The following TSHR variants were observed in gnomAD, a reference collection of about 807,000 sequenced individuals.
TSHR encodes thyroid stimulating hormone receptor.
TSHR carries 51 observed loss-of-function variants against 64.1 expected under a neutral mutation model. The observed-to-expected ratio is 0.80, with a 90% CI of 0.64 to 1.01. TSHR has a LOEUF of 1.01. TSHR is among the 50% of genes least tolerant of loss of function. The pLI is 0.00. For missense variants in TSHR, 877 were observed against 942.8 expected (o/e 0.93, Z 0.91); for synonymous variants, 361 against 361.9 (o/e 1.00, Z 0.03).
At chr14:81,062,558 A>G (rs932206935) in intron 2 of TSHR, among the ~76,000 whole-genome samples, 1 of 152,196 alleles carries the variant, frequency 6.6e-6, no homozygotes, top group African/African-American at 2.4e-5. Context: ...GTAAACATAT[A>G]TACAGATAGA....
intron 1 of TSHR, among the ~76,000 whole-genome samples, chr14:81,033,865 CAAAG>C (rs1328592298): frequency 2.0e-5 from 3 of 152,100 alleles, no homozygotes; most frequent in Admixed American, 6.6e-5. Flanking sequence ...CTAGGGTAGA[CAAAG>C]GAAGGAATTC....
At chr14:81,108,691 A>C (rs1410632559) in intron 8 of TSHR, 6 of 1,613,786 alleles carry the variant, frequency 3.7e-6, no homozygotes, top group Non-Finnish European at 5.1e-6. Context: ...ATGCCTGCTA[A>C]GGCAGCCACC....
At chr14:81,110,947 GA>G (rs1304563215) in intron 8 of TSHR, among the ~76,000 whole-genome samples, 4 of 152,204 alleles carry the variant, frequency 2.6e-5, no homozygotes, top group African/African-American at 9.6e-5. Flanking sequence ...TTGCTTTTAT[GA>G]AACTTTAAAA....
intron 1 of TSHR, among the ~76,000 whole-genome samples, chr14:80,969,437 G>A (rs1887486137): frequency 6.6e-6 from 1 of 152,170 alleles, no homozygotes; most frequent in South Asian, 2.1e-4. Context: ...GTAATCATGA[G>A]GTTTTAAATG....
intron 1 of TSHR, among the ~76,000 whole-genome samples, chr14:81,033,930 T>C (rs1206539872): frequency 6.6e-6 from 1 of 152,218 alleles, no homozygotes; most frequent in African/African-American, 2.4e-5. Context: ...TCTCCAGTTA[T>C]GCAAAATAAA....
chr14:81,004,258 C>T (rs985213354), intron 1 of TSHR, among the ~76,000 whole-genome samples: 2 of 152,170 alleles, frequency 1.3e-5, no homozygotes, highest in African/African-American at 4.8e-5. Flanking sequence ...TACCAAAACC[C>T]TTAAAGGCAG....
At chr14:81,065,940 A>T (rs1886578224) in intron 2 of TSHR, among the ~76,000 whole-genome samples, 1 of 152,222 alleles carries the variant, frequency 6.6e-6, no homozygotes, top group Non-Finnish European at 1.5e-5. Flanking sequence ...AAACTATCCC[A>T]GTTTGAATGA....
chr14:80,987,539 C>T (rs529281991), intron 1 of TSHR, among the ~76,000 whole-genome samples: 1 of 152,248 alleles, frequency 6.6e-6, no homozygotes, highest in East Asian at 1.9e-4. Context: ...TTATTGCATC[C>T]CATGCTTTTA....
chr14:81,100,053 C>G (rs1245065986), intron 7 of TSHR, among the ~76,000 whole-genome samples: 2 of 152,154 alleles, frequency 1.3e-5, no homozygotes, highest in Non-Finnish European at 2.9e-5. Flanking sequence ...TGAGCTTCTC[C>G]TCAGCCTTTG....
Position 81,143,400 on chromosome 14 carries a change from G to T in TSHR, c.1342G>T (p.Val448Phe). Residue 448 changes from valine to phenylalanine, a missense_variant, in exon 10 of 10, where the codon GTC becomes TTC. Coordinates refer to ENST00000298171, the MANE Select transcript of TSHR (RefSeq NM_000369.5). ...CCTCACCAGCCACTACAAACTGAAC[G>T]TCCCCCGCTTTCTCATGTGCAACCT... ...ILLTSHYKLN[V>F]PRFLMCNLAF... 1.2e-6 allele frequency: 2 copies of T among 1,614,088 alleles called. No individual in the cohort carries two copies. Among genetic ancestry groups the T allele is most frequent in the Non-Finnish European group, 1.7e-6 (2 of 1,180,020 alleles).
intron 3 of TSHR, among the ~76,000 whole-genome samples, chr14:81,084,069 G>T (rs2139955469): frequency 6.6e-6 from 1 of 152,182 alleles, no homozygotes; most frequent in Non-Finnish European, 1.5e-5. Flanking sequence ...TGAGATTTAG[G>T]TCCCTCTCCC....
At chr14:80,960,409 A>AAT (rs1339864022) in intron 1 of TSHR, among the ~76,000 whole-genome samples, 1 of 152,226 alleles carries the variant, frequency 6.6e-6, no homozygotes, top group Non-Finnish European at 1.5e-5. Flanking sequence ...ACACATATAA[A>AAT]GGTGACTTCA....
chr14:81,005,722 T>A (rs1460586374), intron 1 of TSHR, among the ~76,000 whole-genome samples: 3 of 152,154 alleles, frequency 2.0e-5, no homozygotes, highest in Non-Finnish European at 4.4e-5. Context: ...AATGTGTTCT[T>A]GGAACCGCGG....
intron 1 of TSHR, among the ~76,000 whole-genome samples, chr14:80,956,915 A>G (rs879384871): frequency 6.6e-5 from 10 of 152,204 alleles, no homozygotes; most frequent in Non-Finnish European, 1.3e-4. Context: ...TGCTGCCACC[A>G]CAGAATAAGA....
intron 1 of TSHR, among the ~76,000 whole-genome samples, chr14:81,014,982 C>T (rs901732573): frequency 2.0e-5 from 3 of 152,032 alleles, no homozygotes; most frequent in African/African-American, 4.8e-5. Flanking sequence ...ATTCCATGGG[C>T]TGGTGATTTG....
At position 81,087,996 on chromosome 14, in the gene TSHR, T is replaced by A; in HGVS notation, c.360T>A (p.Asp120Glu). 6.2e-7 allele frequency: 1 copy of A among 1,613,972 alleles called. No homozygotes were observed. Among genetic ancestry groups the A allele is most frequent in the Non-Finnish European group, 8.5e-7 (1 of 1,179,846 alleles). Residue 120 changes from aspartate to glutamate, a missense_variant, in exon 4 of 10, where the codon GAT becomes GAA. Physicochemically the swap from Asp to Glu is conservative, Grantham distance 45. Transcript: ENST00000298171. Reference protein sequence around the residue: ...NTRNLTYIDPDALKELPLLKF... With the variant: ...NTRNLTYIDPEALKELPLLKF... The stretch of plus-strand genomic sequence containing the variant: ...GGAACTTAACTTACATAGACCCTGA[T>A]GCCCTCAAAGAGCTCCCCCTCCTAA...
At chr14:80,999,818 T>TA (rs1255987902) in intron 1 of TSHR, among the ~76,000 whole-genome samples, 1 of 152,088 alleles carries the variant, frequency 6.6e-6, no homozygotes, top group East Asian at 1.9e-4. Context: ...AAAAGGAATA[T>TA]AAAAACAAGC....
At chr14:80,994,280 G>A (rs371705847) in intron 1 of TSHR, 36 of 151,672 alleles carry the variant, frequency 2.4e-4, no homozygotes, top group African/African-American at 7.3e-4. Context: ...TCAGCAGTAG[G>A]CTATTAGTAA....
intron 1 of TSHR, among the ~76,000 whole-genome samples, chr14:81,059,912 A>T (rs938076032): frequency 3.3e-5 from 5 of 152,162 alleles, no homozygotes; most frequent in African/African-American, 1.2e-4. Context: ...AGAGAGAGAG[A>T]ATTCAAGAAA....
Sources: gnomAD v4.1 joint callset for allele counts (sites outside exome capture counted in the v4.1 genomes callset) on GRCh38, gnomAD v4.1.1 for gene constraint, MANE v1.5 for transcripts, NCBI Gene and HGNC (gene_info 2026-07-23, HGNC 2026-07-21) for gene names.